Variants in ADAMTSL1 observed in about 807,000 individuals in gnomAD.
The protein encoded by ADAMTSL1 is ADAMTS like 1.
Under a neutral mutation model 201.8 loss-of-function variants are expected in ADAMTSL1, and 126 were observed. That is an observed-to-expected ratio of 0.62 (90% confidence interval 0.54 to 0.72). The LOEUF (loss-of-function observed/expected upper bound fraction) is 0.72, where lower values mean the gene tolerates loss of function less well. Ranked by LOEUF, ADAMTSL1 falls within the 30% of genes least tolerant of loss-of-function variation. The pLI is 0.00. For missense variants in ADAMTSL1, 2,679 were observed against 2,277.8 expected (o/e 1.18, Z -3.59); for synonymous variants, 1,121 against 903.4 (o/e 1.24, Z -4.32).
chr9:17,926,652 A>G (rs534024817), intron 1 of ADAMTSL1, among the ~76,000 whole-genome samples: 3 of 152,356 alleles, frequency 2.0e-5, no homozygotes, highest in African/African-American at 7.2e-5. Flanking sequence ...TTTTGCTCAC[A>G]TACTATTGGC....
chr9:18,721,050 C>G (rs893099506), intron 14 of ADAMTSL1, among the ~76,000 whole-genome samples: 4 of 152,214 alleles, frequency 2.6e-5, no homozygotes, highest in Admixed American at 6.5e-5. Flanking sequence ...GACTGGAGTC[C>G]TAGATTCAAG....
chr9:18,291,607 T>C (rs1469094811), intron 2 of ADAMTSL1, among the ~76,000 whole-genome samples: 1 of 152,078 alleles, frequency 6.6e-6, no homozygotes, highest in Non-Finnish European at 1.5e-5. Flanking sequence ...CCACTGAAGA[T>C]CTGACTACTG....
At chr9:18,184,269 AC>A (rs1267199525) in intron 2 of ADAMTSL1, among the ~76,000 whole-genome samples, 1 of 152,210 alleles carries the variant, frequency 6.6e-6, no homozygotes, top group African/African-American at 2.4e-5. Flanking sequence ...TGCCTCGTGT[AC>A]CAAAGGAGGG....
chr9:18,392,032 G>A (rs1838073113), intron 2 of ADAMTSL1, among the ~76,000 whole-genome samples: 1 of 151,690 alleles, frequency 6.6e-6, no homozygotes, highest in African/African-American at 2.4e-5. Flanking sequence ...CACCATGTTA[G>A]CCAGGATGGT....
At chr9:18,534,676 A>G (rs1433654590) in intron 3 of ADAMTSL1, among the ~76,000 whole-genome samples, 1 of 152,198 alleles carries the variant, frequency 6.6e-6, no homozygotes, top group Non-Finnish European at 1.5e-5. Flanking sequence ...TTTTGCCTGG[A>G]CATCCAGGCA....
intron 5 of ADAMTSL1, among the ~76,000 whole-genome samples, chr9:18,634,883 A>G (rs1464935907): frequency 2.9e-5 from 4 of 139,732 alleles, no homozygotes; most frequent in Admixed American, 7.1e-5. Flanking sequence ...ATTTATATAT[A>G]TAAATATGTA....
chr9:18,530,370 T>G (rs1587474275), intron 2 of ADAMTSL1, among the ~76,000 whole-genome samples: 1 of 152,266 alleles, frequency 6.6e-6, no homozygotes, highest in Non-Finnish European at 1.5e-5. Flanking sequence ...GAAAAACATA[T>G]ACTATTAAAG....
At chr9:18,294,972 C>T (rs73428914) in intron 2 of ADAMTSL1, among the ~76,000 whole-genome samples, 4 of 152,016 alleles carry the variant, frequency 2.6e-5, no homozygotes, top group Admixed American at 6.6e-5. Flanking sequence ...TTCTCCCTTC[C>T]TCTTATCAGT....
chr9:18,647,824 G>T (rs1045193365), intron 7 of ADAMTSL1, among the ~76,000 whole-genome samples: 1 of 151,690 alleles, frequency 6.6e-6, no homozygotes, highest in East Asian at 1.9e-4. Context: ...GTCAATTTTG[G>T]AATAGGTGTG....
At chr9:18,362,689 G>A (rs566328854) in intron 2 of ADAMTSL1, among the ~76,000 whole-genome samples, 8 of 152,326 alleles carry the variant, frequency 5.3e-5, no homozygotes, top group Non-Finnish European at 8.8e-5. Flanking sequence ...GCCAGTCTGT[G>A]AGAGGTGCTA....
chr9:18,672,097 G>A (rs1332706), intron 9 of ADAMTSL1, among the ~76,000 whole-genome samples: 71,765 of 151,598 alleles, frequency 0.47, 17,464 homozygotes, highest in South Asian at 0.67. Flanking sequence ...TGCCCATGGA[G>A]TTAACTACTT....
intron 2 of ADAMTSL1, among the ~76,000 whole-genome samples, chr9:18,468,877 C>G (rs3898100): frequency 6.6e-6 from 1 of 152,068 alleles, no homozygotes; most frequent in East Asian, 1.9e-4. Context: ...CATTTGGAGA[C>G]GAATCAGATC....
chr9:18,556,791 C>A (rs374899895), intron 3 of ADAMTSL1, among the ~76,000 whole-genome samples: 1 of 151,918 alleles, frequency 6.6e-6, no homozygotes, highest in African/African-American at 2.4e-5. Context: ...TATGTTAAGC[C>A]ATTCATATGT....
rs1820646174 is a variant in ADAMTSL1 at position 18,770,760 on chromosome 9, G to A, written c.2376G>A (p.Trp792Ter). The A allele has an allele frequency of 6.2e-7, 1 of 1,613,694 alleles. No individual in the cohort carries two copies. Among genetic ancestry groups the A allele is most frequent in the African/African-American group, 1.3e-5 (1 of 74,902 alleles). ...AGAAAGATGACTGTCCCAGCGAGTGGCTTCTCTCAGACTGGACAGAGGTAT... is the reference window on the plus strand; with the variant it reads ...AGAAAGATGACTGTCCCAGCGAGTGACTTCTCTCAGACTGGACAGAGGTAT... ...ACKKDDCPSE[W>*]LLSDWTECST... Residue 792 changes from tryptophan (W) to a stop codon, truncating the protein, a stop_gained, in exon 17 of 29, where the codon TGG becomes TGA. Coordinates refer to ENST00000380548, the MANE Select transcript of ADAMTSL1 (RefSeq NM_001040272.6). LOFTEE classifies it high-confidence loss of function.
At chr9:18,656,500 G>T (rs1030276151) in intron 7 of ADAMTSL1, among the ~76,000 whole-genome samples, 1 of 151,852 alleles carries the variant, frequency 6.6e-6, no homozygotes, top group Non-Finnish European at 1.5e-5. Context: ...ATGGTGGCAG[G>T]CGTCTGTAGT....
chr9:18,241,388 A>T (rs1302466342), intron 2 of ADAMTSL1, among the ~76,000 whole-genome samples: 1 of 152,100 alleles, frequency 6.6e-6, no homozygotes, highest in Non-Finnish European at 1.5e-5. Flanking sequence ...TGTATTCTTG[A>T]TCACACTTTC....
At chr9:18,099,533 TC>T (rs1453358013) in intron 1 of ADAMTSL1, among the ~76,000 whole-genome samples, 1 of 150,772 alleles carries the variant, frequency 6.6e-6, no homozygotes, top group African/African-American at 2.4e-5. Flanking sequence ...TTTGTTTTCT[TC>T]AGGGACTAAA....
intron 1 of ADAMTSL1, among the ~76,000 whole-genome samples, chr9:17,952,456 T>C (rs1827763410): frequency 1.3e-5 from 2 of 152,178 alleles, no homozygotes; most frequent in African/African-American, 4.8e-5. Context: ...TACTAACTAG[T>C]CTATCACTTG....
At chr9:18,148,905 T>C (rs1826777342) in intron 1 of ADAMTSL1, among the ~76,000 whole-genome samples, 1 of 152,166 alleles carries the variant, frequency 6.6e-6, no homozygotes, top group Non-Finnish European at 1.5e-5. Flanking sequence ...GTTTACACTT[T>C]AGACCCTTTC....
Sources: allele counts gnomAD v4.1 joint callset (sites outside exome capture counted in the v4.1 genomes callset), GRCh38; gene constraint gnomAD v4.1.1; transcripts MANE v1.5; gene names NCBI Gene and HGNC (gene_info 2026-07-23, HGNC 2026-07-21).